The following THNSL1 variants were observed in gnomAD, a reference collection of about 807,000 sequenced individuals.
THNSL1 encodes the protein threonine synthase-like 1.
THNSL1 carries 48 observed loss-of-function variants against 50.4 expected under a neutral mutation model. The observed-to-expected ratio is 0.95, with a 90% CI of 0.76 to 1.21. THNSL1 has a LOEUF of 1.21. Among genes scored for constraint, THNSL1 ranks in the 50% most tolerant of loss-of-function variants. The pLI is 0.00. For synonymous variants in THNSL1, 309 were observed against 306.1 expected (o/e 1.01, Z -0.10); for missense variants, 896 against 871.7 (o/e 1.03, Z -0.35).
At chr10:24,962,112 T>C in the THNSL1 span, among the ~76,000 whole-genome samples, 1 of 152,184 alleles carries the variant, frequency 6.6e-6, no homozygotes, top group East Asian at 1.9e-4. Flanking sequence ...AGTTAGCAGT[T>C]TTAAAAAATA....
chr10:25,021,382 A>G (rs973337550), intron 1 of THNSL1, among the ~76,000 whole-genome samples: 1 of 152,218 alleles, frequency 6.6e-6, no homozygotes, highest in Non-Finnish European at 1.5e-5. Flanking sequence ...CAACTCAGAC[A>G]CTAATTTCAT....
chr10:24,963,552 C>G, the THNSL1 span, among the ~76,000 whole-genome samples: 2 of 152,154 alleles, frequency 1.3e-5, no homozygotes, highest in East Asian at 1.9e-4. Flanking sequence ...TTTGGGAAAC[C>G]TGGAACGTAC....
intron 1 of THNSL1, among the ~76,000 whole-genome samples, chr10:25,021,442 A>T (rs1850716738): frequency 6.6e-6 from 1 of 152,216 alleles, no homozygotes; most frequent in African/African-American, 2.4e-5. Context: ...CAGCCAAATC[A>T]TTAAAATTCC....
chr10:24,970,259 G>C, the THNSL1 span, among the ~76,000 whole-genome samples: 22 of 152,218 alleles, frequency 1.4e-4, no homozygotes, highest in African/African-American at 5.1e-4. Context: ...TAAATGGAAG[G>C]GTAATCACTG....
At chr10:25,012,244 T>A (rs1368328248), upstream of THNSL1, among the ~76,000 whole-genome samples, 1 of 152,234 alleles carries the variant, frequency 6.6e-6, no homozygotes, top group Admixed American at 6.5e-5. Flanking sequence ...AGAGCCCTCA[T>A]GGAGAACCTC....
Position 25,023,794 on chromosome 10 carries a change from C to A in THNSL1, c.571C>A (p.Gln191Lys). 6.2e-7 allele frequency: 1 copy of A among 1,614,084 alleles called. No homozygotes were observed. Among genetic ancestry groups the A allele is most frequent in the Non-Finnish European group, 8.5e-7 (1 of 1,180,020 alleles). Residue 191 changes from glutamine to lysine, a missense_variant, in exon 3 of 3, where the codon CAG (glutamine) becomes AAG (lysine). By Grantham distance (53) the Gln-to-Lys change is moderately conservative. Transcript: ENST00000376356. Reference protein sequence around the residue: ...SMKDLLKFRRQYYKKWYDARV... With the variant: ...SMKDLLKFRRKYYKKWYDARV... Reference sequence around the variant, plus strand: ...GAAAGACTTACTTAAATTTAGAAGACAGTATTATAAGAAGTGGTATGATGC... The same window carrying A: ...GAAAGACTTACTTAAATTTAGAAGAAAGTATTATAAGAAGTGGTATGATGC...
chr10:24,978,469 T>C, the THNSL1 span, among the ~76,000 whole-genome samples: 1 of 151,380 alleles, frequency 6.6e-6, no homozygotes, highest in African/African-American at 2.4e-5. Flanking sequence ...TCTCTTTCCC[T>C]CTCTTTCTCT....
the THNSL1 span, among the ~76,000 whole-genome samples, chr10:24,963,624 T>C: frequency 2.6e-5 from 4 of 152,186 alleles, no homozygotes; most frequent in Non-Finnish European, 5.9e-5. Context: ...TTTTTCCAAA[T>C]CTCTTTCCAT....
chr10:24,956,511 T>TA, the THNSL1 span, among the ~76,000 whole-genome samples: 1 of 151,628 alleles, frequency 6.6e-6, no homozygotes, highest in Non-Finnish European at 1.5e-5. Flanking sequence ...CTTTTTTTTT[T>TA]AGTTTTATTT....
At chr10:24,993,731 G>A in the THNSL1 span, among the ~76,000 whole-genome samples, 2 of 152,300 alleles carry the variant, frequency 1.3e-5, no homozygotes, top group East Asian at 1.9e-4. Flanking sequence ...GGTGCACAGT[G>A]CTTTCATGGT....
chr10:25,018,770 A>G (rs1850662349), intron 1 of THNSL1, among the ~76,000 whole-genome samples: 1 of 151,910 alleles, frequency 6.6e-6, no homozygotes, highest in Non-Finnish European at 1.5e-5. Context: ...CTTTATAAAG[A>G]CAGGTTCTTT....
At chr10:24,997,309 T>C in the THNSL1 span, among the ~76,000 whole-genome samples, 1 of 151,812 alleles carries the variant, frequency 6.6e-6, no homozygotes, top group East Asian at 1.9e-4. Flanking sequence ...GACTCCTAGT[T>C]CTCCAGAACT....
the THNSL1 span, among the ~76,000 whole-genome samples, chr10:24,990,213 C>T: frequency 6.6e-6 from 1 of 152,120 alleles, no homozygotes; most frequent in Non-Finnish European, 1.5e-5. Flanking sequence ...GGCTTCCTTA[C>T]AACACTAGTT....
chr10:24,968,629 C>T, the THNSL1 span, among the ~76,000 whole-genome samples: 9 of 152,330 alleles, frequency 5.9e-5, no homozygotes, highest in East Asian at 1.5e-3. Context: ...ACTCCTTCAG[C>T]TGCGGCCTTT....
chr10:24,974,028 A>G, the THNSL1 span, among the ~76,000 whole-genome samples: 1 of 152,206 alleles, frequency 6.6e-6, no homozygotes, highest in South Asian at 2.1e-4. Context: ...TGCTAGGATT[A>G]CAGGCTGTAA....
the THNSL1 span, among the ~76,000 whole-genome samples, chr10:24,985,541 A>C: frequency 6.6e-6 from 1 of 152,252 alleles, no homozygotes; most frequent in Non-Finnish European, 1.5e-5. Context: ...AGGTCATTAA[A>C]TGTAACACAC....
chr10:25,002,608 G>A, the THNSL1 span, among the ~76,000 whole-genome samples: 1 of 152,094 alleles, frequency 6.6e-6, no homozygotes, highest in African/African-American at 2.4e-5. Flanking sequence ...TGGTGTTCTA[G>A]TTGTTTAAGT....
the THNSL1 span, among the ~76,000 whole-genome samples, chr10:24,958,383 A>G: frequency 6.6e-6 from 1 of 152,248 alleles, no homozygotes; most frequent in Non-Finnish European, 1.5e-5. Context: ...TACAAATGTT[A>G]CAAGTACAAA....
At chr10:25,000,676 A>G in the THNSL1 span, among the ~76,000 whole-genome samples, 1 of 152,042 alleles carries the variant, frequency 6.6e-6, no homozygotes, top group Admixed American at 6.6e-5. Context: ...CCATTCTTGG[A>G]CTTTCTACTT....
Sources: allele counts gnomAD v4.1 joint callset (sites outside exome capture counted in the v4.1 genomes callset), GRCh38; gene constraint gnomAD v4.1.1; transcripts MANE v1.5; gene names NCBI Gene and HGNC (gene_info 2026-07-23, HGNC 2026-07-21).